Variants in DENND2B observed in about 807,000 individuals in gnomAD.
DENND2B encodes DENN domain containing 2B, also known as DENN domain-containing protein 2B.
In DENND2B, 32 loss-of-function variants were observed where a neutral mutation model predicts 116.0. That is an observed-to-expected ratio of 0.28 (90% confidence interval 0.21 to 0.37). The LOEUF (loss-of-function observed/expected upper bound fraction) is 0.37. Ranked by LOEUF, DENND2B falls within the 10% of genes least tolerant of loss-of-function variation. DENND2B has a pLI of 1.00. For synonymous variants in DENND2B, 588 were observed against 583.9 expected (o/e 1.01, Z -0.10); for missense variants, 1,276 against 1,477.7 (o/e 0.86, Z 2.24).
At chr11:8,811,276 C>T (rs951054239), upstream of DENND2B, 21 of 398,582 alleles carry the variant, frequency 5.3e-5, no homozygotes, top group Non-Finnish European at 8.4e-5. Flanking sequence ...GTGGCGATGG[C>T]TTTAACCAGT....
At chr11:8,871,109 G>A (rs2063768588) in intron 1 of DENND2B, 1 of 152,318 alleles carries the variant, frequency 6.6e-6, no homozygotes, top group Non-Finnish European at 1.5e-5. Flanking sequence ...AGAGAGGGGA[G>A]GGAGCGCAGA....
chr11:8,754,159 T>C (rs948148159), intron 1 of DENND2B, among the ~76,000 whole-genome samples: 2 of 151,782 alleles, frequency 1.3e-5, no homozygotes, highest in Admixed American at 6.6e-5. Flanking sequence ...ATGGGAGAAA[T>C]TTTTTGCAAA....
chr11:8,797,545 C>T (rs2059940073), intron 1 of DENND2B, among the ~76,000 whole-genome samples: 1 of 147,092 alleles, frequency 6.8e-6, no homozygotes, highest in Non-Finnish European at 1.5e-5. Context: ...TCCCCCTTTC[C>T]TCTTCTCTTC....
intron 1 of DENND2B, among the ~76,000 whole-genome samples, chr11:8,799,829 C>T (rs1350275900): frequency 1.3e-5 from 2 of 151,896 alleles, no homozygotes; most frequent in Admixed American, 6.6e-5. Flanking sequence ...AGTATATACA[C>T]ACAAGTCAGA....
At chr11:8,810,722 C>T (rs2090135044), upstream of DENND2B, 1 of 152,272 alleles carries the variant, frequency 6.6e-6, no homozygotes, top group Admixed American at 6.5e-5. Context: ...GAGACCCTGT[C>T]CTCGCTAGGC....
In DENND2B at chr11:8,697,714, C is replaced by T. The variant is rs544024168; in HGVS notation, c.2941-78G>A. On this transcript the variant is annotated intron_variant, in intron 16 of 19. Coordinates refer to ENST00000313726, the MANE Select transcript of DENND2B (RefSeq NM_213618.2). ...TATGTGCTAAGACCTGTTAGAAGAG[C>T]GTGAGTAGATAATCTCATTTATCTC... The T allele has an allele frequency of 1.5e-4, 135 of 915,236 alleles. No individual in the cohort carries two copies. The African/African-American group carries it at 2.1e-3, about 14-fold the overall frequency. 56.7% of individuals were successfully genotyped at this position (915,236 alleles called of 1,614,324 possible).
At chr11:8,838,576 A>C (rs971667728) in intron 4 of DENND2B, among the ~76,000 whole-genome samples, 2 of 152,260 alleles carry the variant, frequency 1.3e-5, no homozygotes, top group Admixed American at 6.5e-5. Context: ...CCAGAGAGGA[A>C]AACTGTGGGA....
intron 2 of DENND2B, among the ~76,000 whole-genome samples, chr11:8,743,667 T>C (rs1034211816): frequency 5.9e-5 from 9 of 152,096 alleles, no homozygotes; most frequent in Non-Finnish European, 1.2e-4. Flanking sequence ...CTGAAGACAG[T>C]AAGGCTCCTA....
intron 5 of DENND2B, 59 bp downstream of exon 5, chr11:8,717,682 G>A: frequency 3.4e-6 from 5 of 1,473,054 alleles, no homozygotes; most frequent in Admixed American, 2.4e-5. Context: ...TCTTGGAAGA[G>A]CAGGCCCCCA....
intron 1 of DENND2B, among the ~76,000 whole-genome samples, chr11:8,778,660 T>G (rs1373572952): frequency 2.0e-5 from 3 of 152,222 alleles, no homozygotes; most frequent in Admixed American, 2.0e-4. Flanking sequence ...AGCTCCCACG[T>G]ACCCGGGGGC....
At chr11:8,715,875 T>C in intron 5 of DENND2B, 57 bp from the exon 6 acceptor site, 1 of 1,505,080 alleles carries the variant, frequency 6.6e-7, no homozygotes, top group South Asian at 1.3e-5. Flanking sequence ...TTGGCCAGTG[T>C]CTGTCTGCTG....
intron 3 of DENND2B, among the ~76,000 whole-genome samples, chr11:8,856,079 A>C (rs1345477031): frequency 6.6e-6 from 1 of 152,232 alleles, no homozygotes; most frequent in Non-Finnish European, 1.5e-5. Flanking sequence ...GAACCAACTG[A>C]AGGTTTATGG....
chr11:8,768,501 C>G (rs780639470), intron 1 of DENND2B, among the ~76,000 whole-genome samples: 23 of 152,066 alleles, frequency 1.5e-4, no homozygotes, highest in Non-Finnish European at 1.6e-4. Flanking sequence ...CTCCTGCCTC[C>G]CAAAACACTG....
chr11:8,781,367 C>T (rs939463026), intron 1 of DENND2B, among the ~76,000 whole-genome samples: 1 of 152,012 alleles, frequency 6.6e-6, no homozygotes, highest in African/African-American at 2.4e-5. Flanking sequence ...GGTGAGGTGG[C>T]TTCATTGGAG....
At position 8,712,540 on chromosome 11, in the gene DENND2B, G is replaced by C; in HGVS notation, c.2172+11C>G. ...GGAATATGGGCAAGGTGGGGAGAGA[G>C]AAGGCCTCACCTTGGGAAACTGGTA... is the stretch of plus-strand genomic sequence containing the variant. On this transcript the variant is annotated intron_variant, in intron 9 of 19. Transcript: ENST00000313726. This position sits in a 1 kb window ranked among gnomAD's most constrained non-coding sequence, Gnocchi z 4.4. The C allele has an allele frequency of 6.5e-7, 1 of 1,549,494 alleles. No homozygotes were observed. The highest frequency in any genetic ancestry group is 8.7e-7 in the Non-Finnish European group (1 of 1,145,292).
At chr11:8,763,367 C>T (rs1473148720) in intron 1 of DENND2B, among the ~76,000 whole-genome samples, 1 of 151,926 alleles carries the variant, frequency 6.6e-6, no homozygotes, top group East Asian at 1.9e-4. Flanking sequence ...AACCCATGAC[C>T]CAGCAATTCC....
chr11:8,827,701 G>C (rs1030310696), intron 4 of DENND2B, among the ~76,000 whole-genome samples: 5 of 152,218 alleles, frequency 3.3e-5, no homozygotes, highest in Admixed American at 3.3e-4. Context: ...GGGGCTTGAA[G>C]TGTTTTTTGT....
rs2455602 is a variant in DENND2B, at chr11:8,891,609, T to C, written c.-255-10500A>G. The stretch of plus-strand genomic sequence containing the variant: ...TGCAATCCTAGTCTCTGATAAAACA[T>C]ACTTTAAACCAACAAAGATCAAAAG... On this transcript the variant is annotated intron_variant, in intron 1 of 22. Coordinates refer to the DENND2B transcript ENST00000534127. Among the ~76,000 whole-genome samples, 1,178 of 151,878 alleles carry C rather than the reference T, an allele frequency of 7.8e-3. 15 individuals are homozygous for C. Among genetic ancestry groups the C allele is most frequent in the African/African-American group, 0.026 (1,095 of 41,430 alleles).
chr11:8,899,286 AG>A (rs955118872), intron 1 of DENND2B, among the ~76,000 whole-genome samples: 4 of 152,112 alleles, frequency 2.6e-5, no homozygotes, highest in African/African-American at 7.2e-5. Context: ...AGAAAGGGAC[AG>A]AAAAAAATGG....
Sources: allele counts gnomAD v4.1 joint callset (sites outside exome capture counted in the v4.1 genomes callset), GRCh38; gene constraint gnomAD v4.1.1; non-coding constraint Gnocchi (gnomAD v3.1); transcripts MANE v1.5; gene names NCBI Gene and HGNC (gene_info 2026-07-23, HGNC 2026-07-21).